PDXDC1: variants seen among roughly 807,000 people sequenced by gnomAD.
PDXDC1 encodes pyridoxal-dependent decarboxylase domain-containing protein 1.
PDXDC1 carries 42 observed loss-of-function variants against 100.1 expected under a neutral mutation model. The ratio of observed to expected loss-of-function variants is 0.42; its 90% CI spans 0.33 to 0.54. The LOEUF is 0.54. Ranked by LOEUF, PDXDC1 falls within the 20% of genes least tolerant of loss-of-function variation. PDXDC1 has a pLI of 0.10. For missense variants in PDXDC1, 636 were observed against 979.2 expected (o/e 0.65, Z 4.68); for synonymous variants, 260 against 371.7 (o/e 0.70, Z 3.46).
chr16:15,015,647 G>A (rs2041731930), intron 8 of PDXDC1, among the ~76,000 whole-genome samples: 3 of 152,270 alleles, frequency 2.0e-5, no homozygotes, highest in African/African-American at 2.4e-5. Context: ...GAACCTGGGA[G>A]GTGGAGGTTG....
At chr16:15,061,918 C>T in intron 16 of PDXDC1, 1 of 1,601,644 alleles carries the variant, frequency 6.2e-7, no homozygotes, top group African/African-American at 1.3e-5. Context: ...GCAGAAACAT[C>T]AGAAATCATC....
intron 16 of PDXDC1, chr16:15,061,224 T>C (rs1473219324): frequency 6.6e-6 from 1 of 152,322 alleles, no homozygotes; most frequent in Non-Finnish European, 1.5e-5. Context: ...TCCCTTGAAA[T>C]CCCAACAGAC....
At chr16:15,137,727 G>C (rs2048394616) in intron 16 of PDXDC1, 1 of 1,249,356 alleles carries the variant, frequency 8.0e-7, no homozygotes, top group African/African-American at 1.5e-5. Flanking sequence ...GGGAAGGACA[G>C]AGCTGGCCCC....
At chr16:15,057,572 G>GT (rs773364422) in intron 16 of PDXDC1, among the ~76,000 whole-genome samples, 1 of 152,208 alleles carries the variant, frequency 6.6e-6, no homozygotes, top group Non-Finnish European at 1.5e-5. Context: ...GTGACATTAA[G>GT]TAAGTCCCAA....
At chr16:14,983,084 T>A (rs1390762773) in intron 1 of PDXDC1, among the ~76,000 whole-genome samples, 2 of 152,274 alleles carry the variant, frequency 1.3e-5, no homozygotes, top group African/African-American at 4.8e-5. Flanking sequence ...GAGCAGCTGG[T>A]TTCTCTTTAG....
chr16:15,009,494 T>C lies in PDXDC1; in HGVS notation c.649-187T>C, dbSNP rs1172568167. 21 of 1,052,972 alleles carry C rather than the reference T, an allele frequency of 2.0e-5. No homozygotes were observed. The East Asian group carries it at 5.2e-4, about 26-fold the overall frequency. 65.2% of individuals were successfully genotyped at this position (1,052,972 alleles called of 1,614,324 possible). On this transcript the variant is annotated intron_variant, in intron 7 of 22. Coordinates refer to ENST00000396410, the MANE Select transcript of PDXDC1 (RefSeq NM_015027.4). The stretch of plus-strand genomic sequence containing the variant: ...CCTTTAATTTTGTTTAACTGATTTT[T>C]CTAGTCTTCAAGGAAAACTATTTGA...
At chr16:15,149,432 G>A in the PDXDC1 span, among the ~76,000 whole-genome samples, 3 of 152,340 alleles carry the variant, frequency 2.0e-5, no homozygotes, top group East Asian at 3.9e-4. Flanking sequence ...CCAGGGACCA[G>A]AAATGGGAGC....
At chr16:15,150,422 C>T in the PDXDC1 span, among the ~76,000 whole-genome samples, 1 of 151,022 alleles carries the variant, frequency 6.6e-6, no homozygotes, top group Admixed American at 6.6e-5. Flanking sequence ...CCCAGCACTT[C>T]GGGAGGCCGA....
At chr16:15,126,035 T>A (rs1286549221) in intron 16 of PDXDC1, 1 of 587,772 alleles carries the variant, frequency 1.7e-6, no homozygotes, top group Non-Finnish European at 3.0e-6. Context: ...GAGTTTTCAA[T>A]TTCATTTTTT....
In PDXDC1 at chr16:15,089,591, A is replaced by G. The variant is rs78308713; in HGVS notation, c.1400-49288A>G. Among the ~76,000 whole-genome samples, 66 of 151,100 alleles carry G rather than the reference A, an allele frequency of 4.4e-4. 1 individual carries two copies. Among genetic ancestry groups the G allele is most frequent in the South Asian group, 2.5e-3 (12 of 4,762 alleles). The stretch of plus-strand genomic sequence containing the variant: ...CAAGGCGGGCGGATCACGAGGTCAG[A>G]AGATCGAGACCATCCTGGCTAACAT... On this transcript the variant is annotated intron_variant, in intron 16 of 16. Coordinates refer to the PDXDC1 transcript ENST00000535621.
At chr16:15,095,796 G>C (rs2046333841) in intron 16 of PDXDC1, among the ~76,000 whole-genome samples, 1 of 151,532 alleles carries the variant, frequency 6.6e-6, no homozygotes, top group Non-Finnish European at 1.5e-5. Context: ...GTTGCAGTGA[G>C]CCAAGATCGT....
intron 16 of PDXDC1, among the ~76,000 whole-genome samples, chr16:15,067,492 T>C (rs1255480296): frequency 1.6e-5 from 2 of 124,846 alleles, no homozygotes; most frequent in Non-Finnish European, 3.6e-5. Context: ...GGAAAGGCTA[T>C]GGATTAGCCA....
At chr16:14,984,013 C>T (rs1192741782) in intron 1 of PDXDC1, among the ~76,000 whole-genome samples, 2 of 152,224 alleles carry the variant, frequency 1.3e-5, no homozygotes, top group Non-Finnish European at 2.9e-5. Context: ...AAAATAAAAA[C>T]TTAGCCAGGC....
At chr16:15,005,913 C>T (rs1219781499) in intron 5 of PDXDC1, among the ~76,000 whole-genome samples, 4 of 152,294 alleles carry the variant, frequency 2.6e-5, no homozygotes, top group African/African-American at 7.2e-5. Flanking sequence ...AGTCTCAAAA[C>T]TCCTGGTCAG....
chr16:15,098,956 G>C (rs1314789560), intron 16 of PDXDC1, among the ~76,000 whole-genome samples: 1 of 152,212 alleles, frequency 6.6e-6, no homozygotes, highest in Non-Finnish European at 1.5e-5. Flanking sequence ...TCTCTAGCCA[G>C]TGTCGATTGG....
At chr16:15,140,519 A>G (rs561732716), downstream of PDXDC1, among the ~76,000 whole-genome samples, 2 of 152,190 alleles carry the variant, frequency 1.3e-5, no homozygotes, top group South Asian at 4.1e-4. Flanking sequence ...AAAACTCCAA[A>G]AACAAAAAAA....
intron 8 of PDXDC1, chr16:15,010,485 A>G (rs1426033732): frequency 6.5e-6 from 1 of 154,452 alleles, no homozygotes; most frequent in East Asian, 1.9e-4. Flanking sequence ...CCCCATCTCA[A>G]TAAATAAATA....
Position 15,125,483 on chromosome 16 carries a change from C to T in PDXDC1, c.1400-13396C>T, listed in dbSNP as rs985280413. 3.7e-5 allele frequency: 41 copies of T among 1,113,576 alleles called. 1 individual carries two copies. Among genetic ancestry groups the T allele is most frequent in the Non-Finnish European group, 5.0e-5 (36 of 726,782 alleles). 69.0% of individuals were successfully genotyped at this position (1,113,576 alleles called of 1,614,324 possible). ...AGACACCCAGCAAGGACACGCAGCC[C>T]GCACACCCCCGGTACTCCAGACACA... On this transcript the variant is annotated intron_variant, in intron 16 of 16. Coordinates refer to the PDXDC1 transcript ENST00000535621.
intron 16 of PDXDC1, among the ~76,000 whole-genome samples, chr16:15,128,733 C>T (rs1230081205): frequency 4.6e-5 from 7 of 152,140 alleles, no homozygotes; most frequent in Non-Finnish European, 1.0e-4. Flanking sequence ...CACACCCGTC[C>T]CTCAGTTCAT....
Sources: gnomAD v4.1 joint callset for allele counts (sites outside exome capture counted in the v4.1 genomes callset) on GRCh38, gnomAD v4.1.1 for gene constraint, MANE v1.5 for transcripts, NCBI Gene and HGNC (gene_info 2026-07-23, HGNC 2026-07-21) for gene names.